The following TRPC4 variants were observed in gnomAD, a reference collection of about 807,000 sequenced individuals.
The protein encoded by TRPC4 is transient receptor potential cation channel subfamily C member 4.
TRPC4 carries 49 observed loss-of-function variants against 99.4 expected under a neutral mutation model. That is an observed-to-expected ratio of 0.49 (90% CI 0.39 to 0.63). The LOEUF (loss-of-function observed/expected upper bound fraction) is 0.63, where lower values mean the gene tolerates loss of function less well. Among genes scored for constraint, TRPC4 ranks in the 20% least tolerant of loss-of-function variants. TRPC4 has a pLI of 0.00. For missense variants in TRPC4, 898 were observed against 1,152.9 expected (o/e 0.78, Z 3.20); for synonymous variants, 454 against 425.9 (o/e 1.07, Z -0.81).
At chr13:37,728,640 T>C (rs1002224030) in intron 3 of TRPC4, among the ~76,000 whole-genome samples, 2 of 152,042 alleles carry the variant, frequency 1.3e-5, no homozygotes, top group African/African-American at 4.8e-5. Flanking sequence ...ACAATCCCTA[T>C]ACAAAGCCCA....
chr13:37,703,036 C>T (rs1270185298), intron 3 of TRPC4, among the ~76,000 whole-genome samples: 3 of 151,848 alleles, frequency 2.0e-5, no homozygotes, highest in Non-Finnish European at 2.9e-5. Flanking sequence ...AGCACTGTAC[C>T]CTTAGTAAAG....
intron 3 of TRPC4, among the ~76,000 whole-genome samples, chr13:37,695,792 A>G (rs1264179293): frequency 6.6e-6 from 1 of 152,206 alleles, no homozygotes; most frequent in Non-Finnish European, 1.5e-5. Context: ...TATGAAAACT[A>G]TTGAATCTAA....
intron 1 of TRPC4, among the ~76,000 whole-genome samples, chr13:37,855,391 A>G (rs1033435153): frequency 1.3e-5 from 2 of 150,264 alleles, no homozygotes; most frequent in African/African-American, 4.9e-5. Flanking sequence ...ATAGAAAAAC[A>G]TATGTTATTA....
chr13:37,730,584 T>TACACACAA (rs1011741085), intron 3 of TRPC4, among the ~76,000 whole-genome samples: 1 of 151,786 alleles, frequency 6.6e-6, no homozygotes, highest in African/African-American at 2.4e-5. Flanking sequence ...AAGCTCTTTG[T>TACACACAA]ACACACATAC....
At chr13:37,666,128 T>G (rs1952639703) in intron 5 of TRPC4, among the ~76,000 whole-genome samples, 1 of 152,210 alleles carries the variant, frequency 6.6e-6, no homozygotes, top group Non-Finnish European at 1.5e-5. Context: ...GTGCTTACAC[T>G]CTCAGAATAA....
At chr13:37,735,401 A>G (rs1025722185) in intron 3 of TRPC4, among the ~76,000 whole-genome samples, 11 of 152,196 alleles carry the variant, frequency 7.2e-5, no homozygotes, top group African/African-American at 2.7e-4. Context: ...CCGCAACTCT[A>G]AAAGCTGGCA....
At chr13:37,823,344 C>T (rs1200918014) in intron 1 of TRPC4, among the ~76,000 whole-genome samples, 1 of 151,470 alleles carries the variant, frequency 6.6e-6, no homozygotes, top group Non-Finnish European at 1.5e-5. Flanking sequence ...GAAGTCCTTG[C>T]CCATGCCTAT....
chr13:37,648,423 G>T (rs973466260), intron 8 of TRPC4, among the ~76,000 whole-genome samples: 1 of 152,068 alleles, frequency 6.6e-6, no homozygotes. Flanking sequence ...TGATTGGGCT[G>T]GTGCTTGCCC....
chr13:37,866,820 G>A (rs554284373), intron 1 of TRPC4, among the ~76,000 whole-genome samples: 10 of 107,032 alleles, frequency 9.3e-5, no homozygotes, highest in South Asian at 3.5e-4. Context: ...GGGTTGAGTC[G>A]AACCAGTTTT....
intron 1 of TRPC4, among the ~76,000 whole-genome samples, chr13:37,810,450 T>C (rs907498807): frequency 6.6e-6 from 1 of 152,052 alleles, no homozygotes; most frequent in African/African-American, 2.4e-5. Context: ...TATTATATTA[T>C]AACCTATTTA....
intron 1 of TRPC4, among the ~76,000 whole-genome samples, chr13:37,866,993 T>C (rs932027027): frequency 2.1e-5 from 3 of 140,782 alleles, no homozygotes; most frequent in African/African-American, 3.2e-5. Flanking sequence ...CTGGTTCCAA[T>C]TGAGTCTAGG....
At chr13:37,826,932 T>A (rs1958241050) in intron 1 of TRPC4, among the ~76,000 whole-genome samples, 1 of 152,152 alleles carries the variant, frequency 6.6e-6, no homozygotes, top group South Asian at 2.1e-4. Context: ...GATTTGGTCT[T>A]TTCACATAGT....
intron 3 of TRPC4, among the ~76,000 whole-genome samples, chr13:37,722,320 G>C (rs1379212943): frequency 6.6e-6 from 1 of 152,128 alleles, no homozygotes; most frequent in East Asian, 1.9e-4. Context: ...CATATGAAAA[G>C]TTTTTAAAAT....
intron 1 of TRPC4, among the ~76,000 whole-genome samples, chr13:37,807,617 A>G (rs532126993): frequency 1.4e-4 from 21 of 152,128 alleles, no homozygotes; most frequent in Non-Finnish European, 1.3e-4. Flanking sequence ...CCACCTCGCT[A>G]TAGAAAAGGC....
intron 1 of TRPC4, among the ~76,000 whole-genome samples, chr13:37,825,607 T>C (rs1174144445): frequency 6.2e-5 from 9 of 145,730 alleles, no homozygotes; most frequent in Non-Finnish European, 1.4e-4. Flanking sequence ...TAATCCTGAG[T>C]TCTAGTTTGA....
chr13:37,712,763 A>C (rs188909945), intron 3 of TRPC4, among the ~76,000 whole-genome samples: 1 of 152,270 alleles, frequency 6.6e-6, no homozygotes, highest in East Asian at 1.9e-4. Flanking sequence ...GAAGGGTGAG[A>C]GGCTGAAATA....
At chr13:37,759,649 G>A (rs771321575) in intron 2 of TRPC4, among the ~76,000 whole-genome samples, 15 of 151,730 alleles carry the variant, frequency 9.9e-5, no homozygotes, top group Non-Finnish European at 1.8e-4. Context: ...CAATAGTCAA[G>A]GAAAAACAAA....
intron 1 of TRPC4, among the ~76,000 whole-genome samples, chr13:37,848,268 T>C (rs1010777508): frequency 2.6e-5 from 4 of 152,158 alleles, no homozygotes; most frequent in Admixed American, 2.0e-4. Context: ...TCACATTAAA[T>C]ATCTTAAATG....
intron 1 of TRPC4, among the ~76,000 whole-genome samples, chr13:37,844,564 G>C (rs761407057): frequency 4.9e-4 from 74 of 152,264 alleles, no homozygotes; most frequent in Non-Finnish European, 8.7e-4. Flanking sequence ...CAAAGTGCTG[G>C]GATTACAGGT....
Sources: gnomAD v4.1 joint callset for allele counts (sites outside exome capture counted in the v4.1 genomes callset) on GRCh38, gnomAD v4.1.1 for gene constraint, MANE v1.5 for transcripts, NCBI Gene and HGNC (gene_info 2026-07-23, HGNC 2026-07-21) for gene names.